UBE2V2: variants seen among roughly 807,000 people sequenced by gnomAD.
UBE2V2 encodes the protein ubiquitin-conjugating enzyme E2 variant 2.
In UBE2V2, 9 loss-of-function variants were observed where a neutral mutation model predicts 17.2. The observed-to-expected ratio is 0.52, with a 90% CI of 0.32 to 0.91. The LOEUF (loss-of-function observed/expected upper bound fraction) is 0.91. Ranked by LOEUF, UBE2V2 falls within the 40% of genes least tolerant of loss-of-function variation. The pLI, the probability that UBE2V2 is intolerant of heterozygous loss-of-function variation, is 0.04. For synonymous variants in UBE2V2, 61 were observed against 57.5 expected, an observed-to-expected ratio of 1.06 and a Z score of -0.28; for missense variants, 133 against 182.6, an observed-to-expected ratio of 0.73 and a Z score of 1.56.
intron 1 of UBE2V2, among the ~76,000 whole-genome samples, chr8:48,018,081 C>T (rs2154506872): frequency 6.6e-6 from 1 of 152,250 alleles, no homozygotes; most frequent in Non-Finnish European, 1.5e-5. Flanking sequence ...AGGTGATCCA[C>T]ACGCCTCGGC....
chr8:48,047,831 G>A (rs1469728780), intron 2 of UBE2V2, among the ~76,000 whole-genome samples: 2 of 152,186 alleles, frequency 1.3e-5, no homozygotes, highest in South Asian at 2.1e-4. Context: ...TTACAGGCAT[G>A]AGCCACCACA....
chr8:48,015,348 G>A (rs1341686130), intron 1 of UBE2V2, among the ~76,000 whole-genome samples: 1 of 152,110 alleles, frequency 6.6e-6, no homozygotes, highest in Non-Finnish European at 1.5e-5. Flanking sequence ...CTGCACTCCT[G>A]CCTGGGCGAC....
rs61043030 is a variant in UBE2V2 at position 48,033,633 on chromosome 8, G to T, written c.17-9400G>T. 7.9e-4 allele frequency among the ~76,000 whole-genome samples: 120 copies of T among 152,142 alleles called. 1 individual carries two copies. The East Asian group carries it at 0.02, about 25-fold the overall frequency. Reference sequence around the variant, plus strand: ...TTACCTGTTTTCCTCCCTGTGGCAAGAGCAAAAATCCTGACTATAGCAAAC... The same window carrying T: ...TTACCTGTTTTCCTCCCTGTGGCAATAGCAAAAATCCTGACTATAGCAAAC... On this transcript the variant is annotated intron_variant, in intron 1 of 3. Transcript: ENST00000523111.
At chr8:48,048,697 A>G (rs946104713) in intron 2 of UBE2V2, among the ~76,000 whole-genome samples, 8 of 152,110 alleles carry the variant, frequency 5.3e-5, no homozygotes, top group African/African-American at 1.9e-4. Flanking sequence ...TAGGTTTTAC[A>G]TTAGAGTAGT....
intron 1 of UBE2V2, among the ~76,000 whole-genome samples, chr8:48,031,230 CCCAA>C (rs1159320369): frequency 4.6e-5 from 7 of 151,778 alleles, no homozygotes; most frequent in Non-Finnish European, 5.9e-5. Context: ...ACAAACCCCC[CCCAA>C]CAACAACAAC....
Position 48,061,960 on chromosome 8 carries a change from TTTCTC to T in UBE2V2, c.*1136_*1140del, listed in dbSNP as rs1381765821. ...AAATAGGGTCAACTAATTGGAGACT[TTTCTC>T]TTCCAATTAGGGCTTTTAATACTAA... On this transcript the variant is annotated 3_prime_UTR_variant, in exon 4 of 4. Coordinates refer to ENST00000523111, the MANE Select transcript of UBE2V2 (RefSeq NM_003350.3). The T allele has an allele frequency of 2.0e-5, 3 of 152,200 alleles. No individual in the cohort carries two copies. The highest frequency in any genetic ancestry group is 6.5e-5 in the Admixed American group (1 of 15,278). 9.4% of individuals were successfully genotyped at this position (152,200 alleles called of 1,614,324 possible). A position where few individuals can be genotyped will look rare whatever the true frequency, so the allele number is the denominator to read the frequency against.
At position 48,014,419 on chromosome 8, in the gene UBE2V2, C is replaced by T. The variant is rs142072505; in HGVS notation, c.16+5949C>T. ...CAGCACTTTGGGAGGCTGAGGGGGG[C>T]GGATCACGAGGTCAGGAGATGGGAG... On this transcript the variant is annotated intron_variant, in intron 1 of 3. Transcript: ENST00000523111. Among the ~76,000 whole-genome samples, 618 of 150,032 alleles carry T rather than the reference C, an allele frequency of 4.1e-3. 4 individuals are homozygous for T. The highest frequency in any genetic ancestry group is 0.025 in the South Asian group (119 of 4,712).
chr8:48,059,289 T>C (rs540512853), intron 3 of UBE2V2, among the ~76,000 whole-genome samples: 1 of 152,120 alleles, frequency 6.6e-6, no homozygotes, highest in Admixed American at 6.6e-5. Context: ...GCTTATGGCC[T>C]TCTCAGCTCT....
rs1469929580 is a variant in UBE2V2, at chr8:48,059,074, ATAT to A, written c.292-1601_292-1599del. ...GGTGCACACCACCATGCTAAATATT[ATAT>A]TATTATATATTTATAAATACAAATA... On this transcript the variant is annotated intron_variant, in intron 3 of 3. Coordinates refer to ENST00000523111, the MANE Select transcript of UBE2V2 (RefSeq NM_003350.3). Among the ~76,000 whole-genome samples the A allele has an allele frequency of 3.3e-5, 5 of 151,534 alleles. No individual in the cohort carries two copies. In the East Asian group the frequency reaches 9.7e-4, roughly 29 times the overall value.
upstream of UBE2V2, among the ~76,000 whole-genome samples, chr8:48,006,981 C>T (rs1253911640): frequency 6.6e-6 from 1 of 151,868 alleles, no homozygotes. Flanking sequence ...CCCGGGTTCA[C>T]GCCATTCTCC....
In UBE2V2 at chr8:48,064,433, T is replaced by G. The variant is rs1474403553; in HGVS notation, c.*3605T>G. On this transcript the variant is annotated 3_prime_UTR_variant, in exon 4 of 4. Coordinates refer to ENST00000523111, the MANE Select transcript of UBE2V2 (RefSeq NM_003350.3). ...AATGGATGAATTGTTGATAGGAACATTAGCAGTTAATTTTTACCTGATACT... is the reference window on the plus strand; with the variant it reads ...AATGGATGAATTGTTGATAGGAACAGTAGCAGTTAATTTTTACCTGATACT... 1 of 152,168 alleles carries G rather than the reference T, an allele frequency of 6.6e-6. No homozygotes were observed. The highest frequency in any genetic ancestry group is 2.4e-5 in the African/African-American group (1 of 41,436). 9.4% of individuals were successfully genotyped at this position (152,168 alleles called of 1,614,324 possible).
intron 3 of UBE2V2, 44 bp downstream of exon 3, chr8:48,050,022 A>G: frequency 7.5e-7 from 1 of 1,332,254 alleles, no homozygotes; most frequent in Non-Finnish European, 1.0e-6. Flanking sequence ...CATAATGTAT[A>G]GAGTTATATA....
chr8:48,031,845 A>C (rs1032495005), intron 1 of UBE2V2, among the ~76,000 whole-genome samples: 6 of 152,060 alleles, frequency 3.9e-5, no homozygotes, highest in African/African-American at 1.4e-4. Flanking sequence ...CGGGGGTTTC[A>C]CCATGTTATC....
chr8:48,025,263 C>A (rs1188533431), intron 1 of UBE2V2, among the ~76,000 whole-genome samples: 1 of 146,734 alleles, frequency 6.8e-6, no homozygotes, highest in East Asian at 2.1e-4. Flanking sequence ...CTGTGATTTT[C>A]TTTTCTTTTC....
At chr8:48,048,333 A>G (rs936526866) in intron 2 of UBE2V2, among the ~76,000 whole-genome samples, 7 of 152,220 alleles carry the variant, frequency 4.6e-5, no homozygotes, top group Non-Finnish European at 1.0e-4. Flanking sequence ...CAATGTGTTT[A>G]TCACTTCTTT....
At chr8:48,059,821 T>C (rs1802564605) in intron 3 of UBE2V2, among the ~76,000 whole-genome samples, 2 of 152,158 alleles carry the variant, frequency 1.3e-5, no homozygotes, top group Admixed American at 1.3e-4. Flanking sequence ...AGTGGAGTTT[T>C]CCAGGGAACT....
intron 1 of UBE2V2, among the ~76,000 whole-genome samples, chr8:48,015,290 T>A (rs947769158): frequency 5.9e-5 from 9 of 151,990 alleles, no homozygotes; most frequent in Non-Finnish European, 1.0e-4. Context: ...AGGTAGAGTA[T>A]GGGTTGAGCC....
At chr8:48,008,393 C>T, upstream of UBE2V2, 1 of 1,548,580 alleles carries the variant, frequency 6.5e-7, no homozygotes, top group Non-Finnish European at 8.7e-7. Flanking sequence ...GGCGCGCTCC[C>T]GGAAGTGACG....
At chr8:48,049,537 T>C (rs1455232115) in intron 2 of UBE2V2, 1 of 194,054 alleles carries the variant, frequency 5.2e-6, no homozygotes, top group African/African-American at 2.4e-5. Context: ...TCGTTTTTCC[T>C]TCTTCGTTCT....
Sources: allele counts gnomAD v4.1 joint callset (sites outside exome capture counted in the v4.1 genomes callset), GRCh38; gene constraint gnomAD v4.1.1; transcripts MANE v1.5; gene names NCBI Gene and HGNC (gene_info 2026-07-23, HGNC 2026-07-21).